The following PGRMC2 variants were observed in gnomAD, a reference collection of about 807,000 sequenced individuals.
The protein encoded by PGRMC2 is progesterone receptor membrane component 2.
Under a neutral mutation model 19.3 loss-of-function variants are expected in PGRMC2, and 9 were observed. That is an observed-to-expected ratio of 0.47 (90% CI 0.28 to 0.81). The LOEUF (loss-of-function observed/expected upper bound fraction) is 0.81, where lower values mean the gene tolerates loss of function less well. Ranked by LOEUF, PGRMC2 falls within the 40% of genes least tolerant of loss-of-function variation. The pLI is 0.11. For missense variants in PGRMC2, 289 were observed against 297.3 expected, an observed-to-expected ratio of 0.97 and a Z score of 0.21; for synonymous variants, 157 against 124.6, an observed-to-expected ratio of 1.26 and a Z score of -1.73.
At chr4:128,273,548 TA>T (rs1328900460) in intron 1 of PGRMC2, among the ~76,000 whole-genome samples, 1 of 152,186 alleles carries the variant, frequency 6.6e-6, no homozygotes, top group African/African-American at 2.4e-5. Context: ...AAGACACTAT[TA>T]TGAACAACAA....
intron 1 of PGRMC2, among the ~76,000 whole-genome samples, chr4:128,287,033 C>T (rs950502475): frequency 1.3e-5 from 2 of 151,932 alleles, no homozygotes; most frequent in Non-Finnish European, 2.9e-5. Flanking sequence ...CAGCGTTGAC[C>T]TGTGACAACT....
rs767841712 is a variant in PGRMC2 at position 128,287,335 on chromosome 4, C to T, written c.418+38G>A. On this transcript the variant is annotated intron_variant, in intron 1 of 2. Transcript: ENST00000296425. The stretch of plus-strand genomic sequence containing the variant: ...CTGTCCGAAGGGGGTTGTGCTTCAG[C>T]TGCAGGGGGTCCTTCCCCTCCCCTT... 4 of 1,563,646 alleles carry T rather than the reference C, an allele frequency of 2.6e-6. No homozygotes were observed. The Admixed American group carries it at 6.9e-5, about 27-fold the overall frequency.
chr4:128,277,780 A>G (rs1303988134), intron 1 of PGRMC2, among the ~76,000 whole-genome samples: 2 of 152,228 alleles, frequency 1.3e-5, no homozygotes, highest in Non-Finnish European at 1.5e-5. Flanking sequence ...ACTTTTAGAG[A>G]GAATGCAGTA....
At chr4:128,277,554 G>C (rs905746864) in intron 1 of PGRMC2, among the ~76,000 whole-genome samples, 1 of 152,134 alleles carries the variant, frequency 6.6e-6, no homozygotes, top group Non-Finnish European at 1.5e-5. Context: ...TCTCAGAGAT[G>C]AACTTTAATT....
At chr4:128,276,952 C>T (rs983489579) in intron 1 of PGRMC2, among the ~76,000 whole-genome samples, 5 of 152,078 alleles carry the variant, frequency 3.3e-5, no homozygotes, top group African/African-American at 7.2e-5. Context: ...GTCAGGAGAT[C>T]GTGACCATCC....
intron 1 of PGRMC2, among the ~76,000 whole-genome samples, chr4:128,276,711 A>G (rs544563866): frequency 6.6e-6 from 1 of 152,368 alleles, no homozygotes; most frequent in South Asian, 2.1e-4. Context: ...AGTAGTAACT[A>G]GAAGAATTAA....
At position 128,287,638 on chromosome 4, in the gene PGRMC2, GC is replaced by G. The variant is rs1554073301; in HGVS notation, c.152del (p.Gly51AlafsTer6). The G allele has an allele frequency of 6.9e-7, 1 of 1,454,858 alleles. No homozygotes were observed. Among genetic ancestry groups the G allele is most frequent in the Admixed American group, 2.2e-5 (1 of 44,540 alleles). 90.1% of individuals were successfully genotyped at this position (1,454,858 alleles called of 1,614,324 possible). On this transcript the variant is annotated frameshift_variant, in exon 1 of 3. Coordinates refer to ENST00000296425, the MANE Select transcript of PGRMC2 (RefSeq NM_006320.6). LOFTEE classifies it high-confidence loss of function. ...GCGCCACGTTCAGCAGCATTTCCCC[GC>G]CCCCCGTCAGAAGCGCCAACGCCGC... ...AAAALALLTG[G>X]GEMLLNVALV...
At chr4:128,280,421 T>G (rs1327117129) in intron 1 of PGRMC2, among the ~76,000 whole-genome samples, 1 of 107,826 alleles carries the variant, frequency 9.3e-6, no homozygotes, top group Non-Finnish European at 1.9e-5. Flanking sequence ...ACATGGTAAA[T>G]AAAATCAAAT....
At position 128,287,608 on chromosome 4, in the gene PGRMC2, C is replaced by A. The variant is rs1330198022; in HGVS notation, c.183G>T (p.Val61=). ...GGEMLLNVAL[V]ALVLLGAYRL... Reference sequence around the variant, plus strand: ...GGTAGGCCCCCAGCAGCACCAGAGCCACCAGCGCCACGTTCAGCAGCATTT... The same window carrying A: ...GGTAGGCCCCCAGCAGCACCAGAGCAACCAGCGCCACGTTCAGCAGCATTT... The change falls in exon 1 of 3, where the codon GTG becomes GTT. Residue 61 remains valine (V), a synonymous_variant. Transcript: ENST00000296425. 6.5e-7 allele frequency: 1 copy of A among 1,538,544 alleles called. No individual in the cohort carries two copies.
At chr4:128,279,783 TG>T (rs540360263) in intron 1 of PGRMC2, among the ~76,000 whole-genome samples, 1 of 152,058 alleles carries the variant, frequency 6.6e-6, no homozygotes, top group African/African-American at 2.4e-5. Flanking sequence ...ATAATTAGTG[TG>T]GGGGGAAAGG....
intron 1 of PGRMC2, among the ~76,000 whole-genome samples, chr4:128,285,534 T>C (rs1400553003): frequency 6.6e-6 from 1 of 152,216 alleles, no homozygotes; most frequent in African/African-American, 2.4e-5. Context: ...CAAGGCATAA[T>C]GTGTGAGGAC....
chr4:128,278,263 T>C (rs1760844002), intron 1 of PGRMC2, among the ~76,000 whole-genome samples: 1 of 152,166 alleles, frequency 6.6e-6, no homozygotes, highest in Non-Finnish European at 1.5e-5. Context: ...AAAAAGGGAT[T>C]ATTCCCCTGT....
intron 1 of PGRMC2, among the ~76,000 whole-genome samples, chr4:128,277,468 A>G (rs904310122): frequency 1.3e-5 from 2 of 152,166 alleles, no homozygotes; most frequent in African/African-American, 4.8e-5. Context: ...TTTTGTGATT[A>G]TTAGGATGAT....
At chr4:128,287,241 G>C (rs1219898850) in intron 1 of PGRMC2, 132 bp downstream of exon 1, 2 of 1,047,322 alleles carry the variant, frequency 1.9e-6, no homozygotes, top group South Asian at 1.7e-5. Context: ...TCCCAGGTGC[G>C]GCGGCCGAGG....
At position 128,271,045 on chromosome 4, in the gene PGRMC2, T is replaced by C; in HGVS notation, c.*271A>G. The C allele has an allele frequency of 1.1e-5, 3 of 275,600 alleles. No individual in the cohort carries two copies. The highest frequency in any genetic ancestry group is 2.0e-3 in the Middle Eastern group (2 of 990). 17.1% of individuals were successfully genotyped at this position (275,600 alleles called of 1,614,324 possible). On this transcript the variant is annotated 3_prime_UTR_variant, in exon 3 of 3. Coordinates refer to ENST00000296425, the MANE Select transcript of PGRMC2 (RefSeq NM_006320.6). ...AAAAGGAAGGAAAGAAGTAATATTG[T>C]GACTTTCTTGCTCTTTAAAAAAATC...
Position 128,287,786 on chromosome 4 carries a change from G to A in PGRMC2, c.5C>T (p.Ala2Val), listed in dbSNP as rs753741474. The A allele has an allele frequency of 5.4e-6, 8 of 1,481,364 alleles. No individual in the cohort carries two copies. Among genetic ancestry groups the A allele is most frequent in the Admixed American group, 1.7e-5 (1 of 57,474 alleles). The allele number at this position is 1,481,364 out of a possible 1,614,324, so 91.8% of individuals were successfully genotyped here. ...TAGCTTCACGTCCCCATCACCAGCC[G>A]CCATCACTGCCCGCCAGCGCCTTCC... M[A>V]AGDGDVKLGT... The change falls in exon 1 of 3, where the codon GCG becomes GTG. Residue 2 changes from alanine (A) to valine (V), a missense_variant. By Grantham distance (64) the Ala-to-Val change is moderately conservative (BLOSUM62 0). Transcript: ENST00000296425.
chr4:128,271,122 C>A lies in PGRMC2; in HGVS notation c.*194G>T. The A allele has an allele frequency of 2.4e-6, 1 of 411,292 alleles. No homozygotes were observed. Among genetic ancestry groups the A allele is most frequent in the Non-Finnish European group, 4.3e-6 (1 of 229,978 alleles). 25.5% of individuals were successfully genotyped at this position (411,292 alleles called of 1,614,324 possible). ...AAGCCCCACTAGACATTACAAACAA[C>A]TGCAACAAATGAGTTTGGCAGCATA... is the stretch of plus-strand genomic sequence containing the variant. On this transcript the variant is annotated 3_prime_UTR_variant, in exon 3 of 3. Transcript: ENST00000296425.
Position 128,271,266 on chromosome 4 carries a change from G to GAGTA in PGRMC2, c.*46_*49dup, listed in dbSNP as rs1561613759. ...AAGACTCCGGACAGTCTGTGAAAGG[G>GAGTA]AGTAAGAATTGCAGTTCTGAAGGCC... On this transcript the variant is annotated 3_prime_UTR_variant, in exon 3 of 3. Coordinates refer to ENST00000296425, the MANE Select transcript of PGRMC2 (RefSeq NM_006320.6). 1 of 916,472 alleles carries GAGTA rather than the reference G, an allele frequency of 1.1e-6. No individual in the cohort carries two copies. The highest frequency in any genetic ancestry group is 1.8e-6 in the Non-Finnish European group (1 of 562,528). 56.8% of individuals were successfully genotyped at this position (916,472 alleles called of 1,614,324 possible). A position where few individuals can be genotyped will look rare whatever the true frequency, so the allele number is the denominator to read the frequency against.
rs1409374856 is a variant in PGRMC2, at chr4:128,269,353, T to C, written c.*1963A>G. 1 of 152,202 alleles carries C rather than the reference T, an allele frequency of 6.6e-6. No homozygotes were observed. The highest frequency in any genetic ancestry group is 2.4e-5 in the African/African-American group (1 of 41,434). 9.4% of individuals were successfully genotyped at this position (152,202 alleles called of 1,614,324 possible). A position where few individuals can be genotyped will look rare whatever the true frequency, so the allele number is the denominator to read the frequency against. ...GCATGAATATTTAGGGTTTCTCTAT[T>C]CACAAGTACAGTTTATTACTAGACT... On this transcript the variant is annotated 3_prime_UTR_variant, in exon 3 of 3. Coordinates refer to ENST00000296425, the MANE Select transcript of PGRMC2 (RefSeq NM_006320.6).
Sources: allele counts gnomAD v4.1 joint callset (sites outside exome capture counted in the v4.1 genomes callset), GRCh38; gene constraint gnomAD v4.1.1; transcripts MANE v1.5; gene names NCBI Gene and HGNC (gene_info 2026-07-23, HGNC 2026-07-21).